The following NEK1 variants were observed in gnomAD, a reference collection of about 807,000 sequenced individuals.
The protein encoded by NEK1 is serine/threonine-protein kinase Nek1.
A neutral mutation model predicts 182.1 loss-of-function variants in NEK1; 137 were observed. The observed-to-expected ratio is 0.75, with a 90% CI of 0.65 to 0.87. The LOEUF is 0.87. Among genes scored for constraint, NEK1 ranks in the 40% least tolerant of loss-of-function variants. The pLI, the probability that NEK1 is intolerant of heterozygous loss-of-function variation, is 0.00. For missense variants in NEK1, 1,391 were observed against 1,494.4 expected, an observed-to-expected ratio of 0.93 and a Z score of 1.14; for synonymous variants, 513 against 492.2, an observed-to-expected ratio of 1.04 and a Z score of -0.56.
At chr4:169,523,179 C>T (rs1756368312) in intron 19 of NEK1, among the ~76,000 whole-genome samples, 1 of 152,202 alleles carries the variant, frequency 6.6e-6, no homozygotes, top group Non-Finnish European at 1.5e-5. Flanking sequence ...TACTCTATAA[C>T]ATGACTAGCA....
chr4:169,509,222 T>C (rs1187017987), intron 19 of NEK1, among the ~76,000 whole-genome samples: 1 of 152,154 alleles, frequency 6.6e-6, no homozygotes, highest in Non-Finnish European at 1.5e-5. Flanking sequence ...CATATGTCTA[T>C]ATATATACTA....
At chr4:169,598,952 G>C (rs1263393960) in intron 5 of NEK1, 148 bp downstream of exon 5, 3 of 618,222 alleles carry the variant, frequency 4.9e-6, no homozygotes, top group African/African-American at 1.8e-5. Flanking sequence ...CAGCTAATTA[G>C]AGGTAAATAT....
chr4:169,545,859 G>A (rs576611507), intron 18 of NEK1, among the ~76,000 whole-genome samples: 2 of 152,206 alleles, frequency 1.3e-5, no homozygotes, highest in South Asian at 2.1e-4. Flanking sequence ...CTTTTGAGAA[G>A]TGTCTGTTCA....
intron 18 of NEK1, 108 bp downstream of exon 18, chr4:169,555,612 C>T (rs1762048536): frequency 2.8e-6 from 4 of 1,453,712 alleles, no homozygotes; most frequent in Non-Finnish European, 3.8e-6. Context: ...CAAAAAACAT[C>T]ATATGTGAAC....
rs918015857 is a variant in NEK1 at position 169,508,281 on chromosome 4, G to T, written c.1800C>A (p.Arg600=). 6.3e-7 allele frequency: 1 copy of T among 1,594,962 alleles called. No homozygotes were observed. The highest frequency in any genetic ancestry group is 8.5e-7 in the Non-Finnish European group (1 of 1,171,324). ...CACGAAGTTTGGCTTTAATCTGTTG[G>T]CGCTCATTGAAATTCTGTAGTCTTA... is the stretch of plus-strand genomic sequence containing the variant. ...RQIRLQNFNE[R]QQIKAKLRGE... Residue 600 remains arginine (R), a synonymous_variant, in exon 21 of 36, where the codon CGC becomes CGA. Coordinates refer to ENST00000507142, the MANE Select transcript of NEK1 (RefSeq NM_001199397.3).
intron 27 of NEK1, among the ~76,000 whole-genome samples, chr4:169,440,551 A>G (rs577321667): frequency 6.6e-6 from 1 of 152,314 alleles, no homozygotes; most frequent in South Asian, 2.1e-4. Flanking sequence ...GTAGATAATA[A>G]CACATTGAAT....
chr4:169,424,385 A>C (rs1271423389), intron 31 of NEK1, among the ~76,000 whole-genome samples, 168 bp downstream of exon 31: 2 of 152,190 alleles, frequency 1.3e-5, no homozygotes, highest in East Asian at 3.8e-4. Context: ...TCTTTATCCT[A>C]GTTGTACTCT....
intron 12 of NEK1, chr4:169,576,459 T>G (rs1479701567): frequency 1.9e-5 from 3 of 154,564 alleles, no homozygotes; most frequent in Non-Finnish European, 4.3e-5. Flanking sequence ...CAACTATCAC[T>G]GTGTTCTTGG....
chr4:169,401,726 G>A lies in NEK1; in HGVS notation c.3509C>T (p.Ala1170Val), dbSNP rs1320502375. Residue 1170 changes from alanine (A) to valine (V), a missense_variant, in exon 33 of 36, where the codon GCA becomes GTA. Coordinates refer to ENST00000507142, the MANE Select transcript of NEK1 (RefSeq NM_001199397.3). Reference sequence around the variant, plus strand: ...TTCATCTGCCACATCTGTCCCATTTGCAGTTGGCTCCACATCACTGTTCTT... The same window carrying A: ...TTCATCTGCCACATCTGTCCCATTTACAGTTGGCTCCACATCACTGTTCTT... The part of the protein sequence containing the change: ...VLKNSDVEPT[A>V]NGTDVADEDD... The A allele has an allele frequency of 6.2e-7, 1 of 1,613,808 alleles. No homozygotes were observed. Among genetic ancestry groups the A allele is most frequent in the Non-Finnish European group, 8.5e-7 (1 of 1,179,846 alleles).
intron 12 of NEK1, among the ~76,000 whole-genome samples, chr4:169,570,120 T>C (rs1764470483): frequency 1.4e-5 from 2 of 145,458 alleles, no homozygotes. Flanking sequence ...TCGTCTGAGA[T>C]GTGGGGAGCG....
At position 169,530,749 on chromosome 4, in the gene NEK1, G is replaced by A. The variant is rs182171829; in HGVS notation, c.1665+7060C>T. Among the ~76,000 whole-genome samples, 31 of 151,592 alleles carry A rather than the reference G, an allele frequency of 2.0e-4. No individual in the cohort carries two copies. The East Asian group carries it at 5.8e-3, about 28-fold the overall frequency. On this transcript the variant is annotated intron_variant, in intron 19 of 35. Coordinates refer to ENST00000507142, the MANE Select transcript of NEK1 (RefSeq NM_001199397.3). ...ATGTGACTACAGAAAGATAGCATAA[G>A]GGTTGGCGGGGGGTGATGGAATTGT...
chr4:169,564,494 T>C (rs1238282976), intron 12 of NEK1, among the ~76,000 whole-genome samples: 1 of 152,094 alleles, frequency 6.6e-6, no homozygotes, highest in Admixed American at 6.6e-5. Context: ...AGAATGACCA[T>C]AACAGATAGG....
At chr4:169,476,696 T>C (rs192456492) in intron 26 of NEK1, among the ~76,000 whole-genome samples, 7 of 152,214 alleles carry the variant, frequency 4.6e-5, no homozygotes, top group Non-Finnish European at 8.8e-5. Context: ...AGATTCTCAG[T>C]AATTATCACC....
chr4:169,504,275 G>C (rs1752875640), intron 23 of NEK1, among the ~76,000 whole-genome samples: 1 of 152,166 alleles, frequency 6.6e-6, no homozygotes, highest in Admixed American at 6.5e-5. Flanking sequence ...CTCGTACACT[G>C]TTGGTAGGAA....
intron 18 of NEK1, among the ~76,000 whole-genome samples, chr4:169,548,360 G>A (rs886527406): frequency 4.6e-5 from 7 of 152,176 alleles, no homozygotes; most frequent in South Asian, 2.1e-4. Flanking sequence ...AGGGGCACCC[G>A]CCAGATGCCA....
chr4:169,411,758 A>G (rs1733715164), intron 31 of NEK1, among the ~76,000 whole-genome samples: 1 of 152,232 alleles, frequency 6.6e-6, no homozygotes, highest in Non-Finnish European at 1.5e-5. Context: ...TATTTTTAAA[A>G]ATTCCATTGG....
At chr4:169,509,219 CTA>C (rs749946078) in intron 19 of NEK1, among the ~76,000 whole-genome samples, 1 of 151,978 alleles carries the variant, frequency 6.6e-6, no homozygotes, top group Non-Finnish European at 1.5e-5. Context: ...CGACATATGT[CTA>C]TATATATACT....
In NEK1 at chr4:169,401,591, C is replaced by A. The variant is rs570148705; in HGVS notation, c.3583+61G>T. 3.6e-5 allele frequency: 52 copies of A among 1,445,490 alleles called. No individual in the cohort carries two copies. In the African/African-American group the frequency reaches 7.1e-4, roughly 20 times the overall value. 89.5% of individuals were successfully genotyped at this position (1,445,490 alleles called of 1,614,324 possible). A position where few individuals can be genotyped will look rare whatever the true frequency, so the allele number is the denominator to read the frequency against. Reference sequence around the variant, plus strand: ...GTTCACAGCAGAGATTAGAAAAATACACTCTACTTGAAATATTTGTAAACT... The same window carrying A: ...GTTCACAGCAGAGATTAGAAAAATAAACTCTACTTGAAATATTTGTAAACT... On this transcript the variant is annotated intron_variant, in intron 33 of 35. Coordinates refer to ENST00000507142, the MANE Select transcript of NEK1 (RefSeq NM_001199397.3).
In NEK1 at chr4:169,406,799, A is replaced by T. The variant is rs1407391102; in HGVS notation, c.3223-52T>A. ...ATTAGGAGAAAGATAATTAAAACAT[A>T]AAAATGAGAGAAAACTAGAACTAAT... On this transcript the variant is annotated intron_variant, in intron 31 of 35. Transcript: ENST00000507142. The T allele has an allele frequency of 1.8e-5, 26 of 1,456,014 alleles. No homozygotes were observed. The South Asian group carries it at 3.5e-4, about 19-fold the overall frequency. 90.2% of individuals were successfully genotyped at this position (1,456,014 alleles called of 1,614,324 possible).
Sources: allele counts gnomAD v4.1 joint callset (sites outside exome capture counted in the v4.1 genomes callset), GRCh38; gene constraint gnomAD v4.1.1; transcripts MANE v1.5; gene names NCBI Gene and HGNC (gene_info 2026-07-23, HGNC 2026-07-21).